The following DIAPH2 variants were observed in gnomAD, a reference collection of about 807,000 sequenced individuals.
DIAPH2 encodes the protein protein diaphanous homolog 2.
A neutral mutation model predicts 92.7 loss-of-function variants in DIAPH2; 35 were observed. The observed-to-expected ratio is 0.38, with a 90% CI of 0.29 to 0.50. The LOEUF is 0.50. Among genes scored for constraint, DIAPH2 ranks in the 20% least tolerant of loss-of-function variants. The pLI is 0.94. For synonymous variants in DIAPH2, 301 were observed against 280.4 expected (o/e 1.07, Z -0.73); for missense variants, 701 against 819.5 (o/e 0.86, Z 1.77).
intron 17 of DIAPH2, among the ~76,000 whole-genome samples, chrX:97,018,478 C>A: frequency 8.9e-6 from 1 of 112,158 alleles, no homozygotes; most frequent in Non-Finnish European, 1.9e-5. Flanking sequence ...ACATATACCA[C>A]ATATACTTTT....
At chrX:96,801,954 CAA>C (rs1177436738) in intron 4 of DIAPH2, among the ~76,000 whole-genome samples, 2 of 111,566 alleles carry the variant, frequency 1.8e-5, no homozygotes, top group Non-Finnish European at 3.8e-5. Flanking sequence ...TGAGTTATCT[CAA>C]AGTGAATGCA....
intron 9 of DIAPH2, among the ~76,000 whole-genome samples, chrX:96,919,814 A>G (rs758674703): frequency 9.0e-6 from 1 of 111,055 alleles, no homozygotes; most frequent in South Asian, 3.7e-4. Flanking sequence ...TACTCCAACT[A>G]TATTGAAAAT....
At chrX:96,763,350 G>C (rs1421307142) in intron 4 of DIAPH2, among the ~76,000 whole-genome samples, 2 of 111,258 alleles carry the variant, frequency 1.8e-5, no homozygotes, top group Admixed American at 1.9e-4. Flanking sequence ...TATCTTAGAA[G>C]TTTTCACCTT....
chrX:97,574,165 AAACTGACCATTG>A (rs1222588840), intron 26 of DIAPH2, among the ~76,000 whole-genome samples: 1 of 112,119 alleles, frequency 8.9e-6, no homozygotes, highest in African/African-American at 3.2e-5. Context: ...ATTCTGCCGT[AAACTGACCATTG>A]AACTGACCTA....
At chrX:97,390,399 T>G (rs143186225) in intron 25 of DIAPH2, among the ~76,000 whole-genome samples, 1 of 109,512 alleles carries the variant, frequency 9.1e-6, no homozygotes, top group Non-Finnish European at 1.9e-5. Flanking sequence ...TTTGTATTTT[T>G]TGTAGGTGTG....
At chrX:97,597,018 T>G (rs1046000638) in intron 26 of DIAPH2, among the ~76,000 whole-genome samples, 10 of 112,121 alleles carry the variant, frequency 8.9e-5, no homozygotes, top group African/African-American at 3.2e-4. Flanking sequence ...AAATAAAAGA[T>G]CCAGATCAGC....
At chrX:97,266,042 A>G (rs2068333955) in intron 23 of DIAPH2, among the ~76,000 whole-genome samples, 1 of 112,164 alleles carries the variant, frequency 8.9e-6, no homozygotes, top group Non-Finnish European at 1.9e-5. Flanking sequence ...TTCTTTTTCT[A>G]GTATGACAGT....
intron 1 of DIAPH2, among the ~76,000 whole-genome samples, chrX:96,731,347 G>C (rs1384428575): frequency 2.7e-5 from 3 of 111,640 alleles, no homozygotes; most frequent in East Asian, 2.8e-4. Context: ...GGAAGGTAAA[G>C]AGTTGACCCT....
rs771690526 is a variant in DIAPH2, at chrX:97,145,261, C to T, written c.2719+3467C>T. On this transcript the variant is annotated intron_variant, in intron 22 of 26. Coordinates refer to ENST00000324765, the MANE Select transcript of DIAPH2 (RefSeq NM_006729.5). ...ATATGCTTGACACATAGTAAGTATG[C>T]GGCTGTTGCTGAACTACTACCAGTA... Among the ~76,000 whole-genome samples the T allele has an allele frequency of 1.4e-4, 14 of 97,307 alleles. No homozygotes were observed. In the East Asian group the frequency reaches 1.6e-3, roughly 11 times the overall value. 84.5% of individuals were successfully genotyped at this position (97,307 alleles called of 115,157 possible).
At chrX:96,843,775 C>A (rs1297396594) in intron 4 of DIAPH2, among the ~76,000 whole-genome samples, 1 of 112,209 alleles carries the variant, frequency 8.9e-6, no homozygotes, top group Non-Finnish European at 1.9e-5. Flanking sequence ...CCTGCTCTCC[C>A]AGTATGCATG....
At chrX:96,948,901 A>G in intron 14 of DIAPH2, 34 bp from the exon 15 acceptor site, 2 of 972,548 alleles carry the variant, frequency 2.1e-6, no homozygotes, top group Non-Finnish European at 2.8e-6. Flanking sequence ...TGAAAACTAT[A>G]TTATTAACTG....
chrX:96,694,530 G>A (rs1353454217), intron 1 of DIAPH2, among the ~76,000 whole-genome samples: 2 of 110,653 alleles, frequency 1.8e-5, no homozygotes, highest in Non-Finnish European at 1.9e-5. Context: ...TAGTAGAGAT[G>A]GGGTTTCCCA....
At chrX:97,137,299 A>G (rs902297954) in intron 21 of DIAPH2, among the ~76,000 whole-genome samples, 2 of 95,957 alleles carry the variant, frequency 2.1e-5, no homozygotes, top group African/African-American at 3.9e-5. Flanking sequence ...ATATATATAT[A>G]TATGTATAGA....
At chrX:97,262,133 A>G (rs2068293918) in intron 23 of DIAPH2, among the ~76,000 whole-genome samples, 1 of 108,356 alleles carries the variant, frequency 9.2e-6, no homozygotes, top group African/African-American at 3.3e-5. Flanking sequence ...TTGAGCATAT[A>G]TTCACATATA....
intron 26 of DIAPH2, among the ~76,000 whole-genome samples, chrX:97,511,797 A>G (rs2070895428): frequency 9.0e-6 from 1 of 110,817 alleles, no homozygotes; most frequent in Non-Finnish European, 1.9e-5. Context: ...CTCTGTTTAT[A>G]TGCTGGATTA....
At chrX:96,749,698 A>G (rs1004541291) in intron 3 of DIAPH2, among the ~76,000 whole-genome samples, 6 of 111,847 alleles carry the variant, frequency 5.4e-5, no homozygotes, top group African/African-American at 1.9e-4. Context: ...ATGGGTTTAA[A>G]TTGGACTTTA....
intron 17 of DIAPH2, among the ~76,000 whole-genome samples, chrX:97,001,417 G>T (rs2066142943): frequency 8.9e-6 from 1 of 111,762 alleles, no homozygotes; most frequent in African/African-American, 3.3e-5. Context: ...GGCCAAGGCG[G>T]GTAGATCACG....
intron 25 of DIAPH2, among the ~76,000 whole-genome samples, chrX:97,392,850 CT>C (rs2147741588): frequency 9.0e-6 from 1 of 111,666 alleles, no homozygotes; most frequent in South Asian, 3.8e-4. Context: ...ATACTGTAGT[CT>C]GTTTATTGAT....
chrX:97,151,859 G>A (rs910792170), intron 22 of DIAPH2, among the ~76,000 whole-genome samples: 1 of 111,444 alleles, frequency 9.0e-6, no homozygotes, highest in Non-Finnish European at 1.9e-5. Context: ...AAAACACAGG[G>A]ACATACTTGA....
Sources: gnomAD v4.1 joint callset for allele counts (sites outside exome capture counted in the v4.1 genomes callset) on GRCh38, gnomAD v4.1.1 for gene constraint, MANE v1.5 for transcripts, NCBI Gene and HGNC (gene_info 2026-07-23, HGNC 2026-07-21) for gene names.